Variants in RNF157 observed in about 807,000 individuals in gnomAD.
RNF157 encodes ring finger protein 157.
In RNF157, 55 loss-of-function variants were observed where a neutral mutation model predicts 88.3. That is an observed-to-expected ratio of 0.62 (90% CI 0.50 to 0.78). The LOEUF is 0.78. RNF157 is among the 30% of genes least tolerant of loss of function. The probability of loss-of-function intolerance (pLI) is 0.00; values close to 1 mark genes in which losing one functional copy is unlikely to be tolerated. For synonymous variants in RNF157, 334 were observed against 341.2 expected (o/e 0.98, Z 0.23); for missense variants, 788 against 860.8 (o/e 0.92, Z 1.06).
At chr17:76,196,349 T>C (rs1219967706) in intron 2 of RNF157, among the ~76,000 whole-genome samples, 1 of 152,170 alleles carries the variant, frequency 6.6e-6, no homozygotes, top group African/African-American at 2.4e-5. Flanking sequence ...GCGGTTACCT[T>C]AGGCTAGAGG....
At chr17:76,228,441 T>C (rs1329680025) in intron 1 of RNF157, among the ~76,000 whole-genome samples, 2 of 152,298 alleles carry the variant, frequency 1.3e-5, no homozygotes, top group East Asian at 3.9e-4. Context: ...GTTAACTTCT[T>C]CACCTGAGTT....
chr17:76,203,156 A>ATTTTTGT (rs2069615943), intron 2 of RNF157, among the ~76,000 whole-genome samples: 9 of 151,894 alleles, frequency 5.9e-5, no homozygotes, highest in Non-Finnish European at 8.8e-5. Context: ...ATGCCTGGCT[A>ATTTTTGT]ATTTTTGTAT....
chr17:76,167,200 T>C (rs569609835), intron 4 of RNF157, 74 bp from the exon 5 acceptor site: 35 of 1,024,856 alleles, frequency 3.4e-5, no homozygotes, highest in Non-Finnish European at 5.3e-5. Context: ...CCTCTGCTCA[T>C]GCCTGTTCTC....
In RNF157 at chr17:76,161,466, G is replaced by T; in HGVS notation, c.1065+69C>A. ...CCTTGCTGCAATGCCACGTAGAGAA[G>T]CATGAAAAGTTTAAAAAAGCCAATG... On this transcript the variant is annotated intron_variant, in intron 11 of 18. Coordinates refer to ENST00000269391, the MANE Select transcript of RNF157 (RefSeq NM_052916.3). This position sits in a 1 kb window ranked among gnomAD's most constrained non-coding sequence, Gnocchi z 4.6. The T allele has an allele frequency of 8.7e-7, 1 of 1,148,204 alleles. No individual in the cohort carries two copies. The highest frequency in any genetic ancestry group is 1.3e-6 in the Non-Finnish European group (1 of 756,850). The allele number at this position is 1,148,204 out of a possible 1,614,324, so 71.1% of individuals were successfully genotyped here. A position where few individuals can be genotyped will look rare whatever the true frequency, so the allele number is the denominator to read the frequency against.
chr17:76,202,128 T>TCTCACACACACA (rs1250661867), intron 2 of RNF157, among the ~76,000 whole-genome samples: 1 of 134,602 alleles, frequency 7.4e-6, no homozygotes, highest in African/African-American at 3.1e-5. Flanking sequence ...TCTCTCTCTC[T>TCTCACACACACA]CACACACACA....
chr17:76,162,474 A>G (rs991833050), intron 9 of RNF157, 78 bp downstream of exon 9: 1 of 1,084,288 alleles, frequency 9.2e-7, no homozygotes. Flanking sequence ...TTGGCACGCT[A>G]AATTTCTGGA....
chr17:76,151,105 T>C (rs2068667851), intron 18 of RNF157, among the ~76,000 whole-genome samples: 1 of 152,216 alleles, frequency 6.6e-6, no homozygotes, highest in Admixed American at 6.5e-5. Flanking sequence ...GGCAGGAGGC[T>C]GGCCCCGTGG....
At chr17:76,184,585 G>C (rs985687756) in intron 2 of RNF157, among the ~76,000 whole-genome samples, 2 of 152,154 alleles carry the variant, frequency 1.3e-5, no homozygotes, top group African/African-American at 4.8e-5. Context: ...GCCTGCTGTA[G>C]ATCAGAACAA....
intron 9 of RNF157, 51 bp from the exon 10 acceptor site, chr17:76,162,053 CA>C (rs1358151853): frequency 6.4e-6 from 10 of 1,571,380 alleles, no homozygotes; most frequent in Non-Finnish European, 1.7e-6. Context: ...CTTCCTGTCC[CA>C]TACTTTACTG....
At chr17:76,235,764 T>G (rs2070272927) in intron 1 of RNF157, among the ~76,000 whole-genome samples, 1 of 152,180 alleles carries the variant, frequency 6.6e-6, no homozygotes, top group African/African-American at 2.4e-5. Flanking sequence ...ATCCCACTGC[T>G]TTGGGACCCC....
chr17:76,167,856 T>C, intron 3 of RNF157, 59 bp from the exon 4 acceptor site: 1 of 1,513,238 alleles, frequency 6.6e-7, no homozygotes, highest in Non-Finnish European at 9.0e-7. Context: ...AAAATTTACC[T>C]TTAAAAAAAT....
In RNF157 at chr17:76,155,667, G is replaced by A. The variant is rs375411739; in HGVS notation, c.1593C>T (p.Thr531=). The change falls in exon 15 of 19, where the codon ACC becomes ACT. Residue 531 remains threonine (T), a synonymous_variant. Transcript: ENST00000269391. ...TGTAGGAGCCAGACATGGAGGAGACGGTGTCAGTGCTGATCTGGGAGGATG... is the reference window on the plus strand; with the variant it reads ...TGTAGGAGCCAGACATGGAGGAGACAGTGTCAGTGCTGATCTGGGAGGATG... ...SMASSQISTD[T]VSSMSGSYIA... 33 of 1,613,292 alleles carry A rather than the reference G, an allele frequency of 2.0e-5. No individual in the cohort carries two copies. Among genetic ancestry groups the A allele is most frequent in the Admixed American group, 2.0e-4 (12 of 59,864 alleles).
At chr17:76,201,490 T>A (rs959438708) in intron 2 of RNF157, among the ~76,000 whole-genome samples, 1 of 151,864 alleles carries the variant, frequency 6.6e-6, no homozygotes, top group Non-Finnish European at 1.5e-5. Context: ...CCAGCTTGGG[T>A]GACAGAACAA....
At chr17:76,198,658 A>C (rs1598423458) in intron 2 of RNF157, among the ~76,000 whole-genome samples, 1 of 152,150 alleles carries the variant, frequency 6.6e-6, no homozygotes, top group Admixed American at 6.5e-5. Context: ...ACAACTGGTT[A>C]CCCTGTATCC....
chr17:76,179,924 T>C (rs1325130933), intron 2 of RNF157, among the ~76,000 whole-genome samples: 1 of 152,210 alleles, frequency 6.6e-6, no homozygotes, highest in Non-Finnish European at 1.5e-5. Context: ...GTTTTCTTTT[T>C]TAGAGTCTGC....
At chr17:76,162,100 T>A (rs2068854669) in intron 9 of RNF157, 98 bp from the exon 10 acceptor site, 3 of 1,256,060 alleles carry the variant, frequency 2.4e-6, no homozygotes, top group East Asian at 4.8e-5. Context: ...AGATAAGTAA[T>A]AATTACGAAC....
At chr17:76,155,837 T>A (rs537944091) in intron 14 of RNF157, 103 bp from the exon 15 acceptor site, 2 of 1,049,474 alleles carry the variant, frequency 1.9e-6, no homozygotes. Context: ...CATTGAGGAG[T>A]GAAGTGGCCG....
intron 3 of RNF157, among the ~76,000 whole-genome samples, chr17:76,169,031 T>C (rs2068971843): frequency 1.3e-5 from 2 of 152,194 alleles, no homozygotes; most frequent in Admixed American, 1.3e-4. Context: ...GGTGGTCCTT[T>C]CCATTTAGAA....
At chr17:76,229,632 T>C (rs1158412561) in intron 1 of RNF157, among the ~76,000 whole-genome samples, 1 of 152,178 alleles carries the variant, frequency 6.6e-6, no homozygotes, top group Non-Finnish European at 1.5e-5. Context: ...CCTTTTCTTC[T>C]GGAAGGAGGA....
Sources: gnomAD v4.1 joint callset for allele counts (sites outside exome capture counted in the v4.1 genomes callset) on GRCh38, gnomAD v4.1.1 for gene constraint, Gnocchi (gnomAD v3.1) non-coding constraint, MANE v1.5 for transcripts, NCBI Gene and HGNC (gene_info 2026-07-23, HGNC 2026-07-21) for gene names.